Variants in KCNMA1 observed in about 807,000 individuals in gnomAD.
KCNMA1 encodes Calcium-activated potassium channel subunit alpha-1.
Under a neutral mutation model 140.0 loss-of-function variants are expected in KCNMA1, and 29 were observed. The observed-to-expected ratio is 0.21, with a 90% CI of 0.15 to 0.28. KCNMA1 has a LOEUF of 0.28. Ranked by LOEUF, KCNMA1 falls within the 10% of genes least tolerant of loss-of-function variation. KCNMA1 has a pLI of 1.00. For missense variants in KCNMA1, 880 were observed against 1,602.2 expected (o/e 0.55, Z 7.70); for synonymous variants, 612 against 611.9 (o/e 1.00, Z 0.00).
intron 2 of KCNMA1, among the ~76,000 whole-genome samples, chr10:77,253,226 C>T (rs989970741): frequency 5.9e-5 from 9 of 152,162 alleles, no homozygotes; most frequent in African/African-American, 2.2e-4. Flanking sequence ...AGGAGAAGGG[C>T]CTCTTCTCCA....
intron 2 of KCNMA1, among the ~76,000 whole-genome samples, chr10:77,290,365 G>T (rs150373382): frequency 4.1e-4 from 62 of 152,290 alleles, no homozygotes; most frequent in African/African-American, 1.5e-3. Context: ...GGGCATGGAG[G>T]ATGTCATAGA....
chr10:77,276,217 C>G (rs1000443745), intron 2 of KCNMA1, among the ~76,000 whole-genome samples: 1 of 152,230 alleles, frequency 6.6e-6, no homozygotes, highest in Non-Finnish European at 1.5e-5. Flanking sequence ...TCCTCAGGAG[C>G]TGAGACCATC....
chr10:76,935,715 A>G (rs2060384724), intron 23 of KCNMA1, among the ~76,000 whole-genome samples: 1 of 152,222 alleles, frequency 6.6e-6, no homozygotes, highest in East Asian at 1.9e-4. Context: ...CCATAAGTTC[A>G]GTCCAACCCC....
chr10:77,229,929 G>A (rs1205729498), intron 3 of KCNMA1, among the ~76,000 whole-genome samples: 1 of 152,148 alleles, frequency 6.6e-6, no homozygotes, highest in East Asian at 1.9e-4. Flanking sequence ...AAATGACCCT[G>A]CAATTCCACT....
chr10:76,966,607 C>T (rs768687618), intron 20 of KCNMA1, among the ~76,000 whole-genome samples: 1 of 152,162 alleles, frequency 6.6e-6, no homozygotes, highest in Non-Finnish European at 1.5e-5. Flanking sequence ...AAAGACGTGG[C>T]TATCCTTACA....
At chr10:77,577,570 C>T (rs2244338) in intron 1 of KCNMA1, among the ~76,000 whole-genome samples, 139,207 of 152,270 alleles carry the variant, frequency 0.91, 63,774 homozygotes, top group South Asian at 0.97. Context: ...CAACTCTAAA[C>T]TACATGTGTA....
At chr10:76,922,373 C>A (rs552909329) in intron 23 of KCNMA1, among the ~76,000 whole-genome samples, 124 of 152,218 alleles carry the variant, frequency 8.1e-4, no homozygotes, top group African/African-American at 2.8e-3. Flanking sequence ...CATAAGAAAC[C>A]CATTCCACAG....
intron 2 of KCNMA1, among the ~76,000 whole-genome samples, chr10:77,356,301 C>T (rs565070065): frequency 6.6e-5 from 10 of 152,096 alleles, no homozygotes; most frequent in African/African-American, 1.7e-4. Context: ...ATATCAATAA[C>T]GGAAGCTACA....
rs368425833 is a variant in KCNMA1, at chr10:77,116,927, C to T, written c.884+4046G>A. 4.2e-4 allele frequency among the ~76,000 whole-genome samples: 64 copies of T among 152,302 alleles called. No individual in the cohort carries two copies. The South Asian group carries it at 0.013, about 32-fold the overall frequency. On this transcript the variant is annotated intron_variant, in intron 6 of 27. Coordinates refer to ENST00000286628, the MANE Select transcript of KCNMA1 (RefSeq NM_001161352.2). ...AGCTCTCATTTGTTCTCAGTAAAGT[C>T]CATGAATCTAAGAACCTGCATGATT...
At chr10:76,979,211 G>C (rs1411740850) in intron 19 of KCNMA1, among the ~76,000 whole-genome samples, 4 of 152,182 alleles carry the variant, frequency 2.6e-5, no homozygotes, top group Non-Finnish European at 5.9e-5. Context: ...GAAGGCCCTT[G>C]CAACAAACAC....
At chr10:77,401,839 A>T (rs1291889742) in intron 2 of KCNMA1, among the ~76,000 whole-genome samples, 2 of 152,082 alleles carry the variant, frequency 1.3e-5, no homozygotes, top group Non-Finnish European at 2.9e-5. Flanking sequence ...TTTCCCCTAC[A>T]GCCCCTCCCC....
At chr10:77,510,868 C>T (rs1040141916) in intron 1 of KCNMA1, among the ~76,000 whole-genome samples, 3 of 152,240 alleles carry the variant, frequency 2.0e-5, no homozygotes, top group African/African-American at 4.8e-5. Flanking sequence ...TTTGGCATAA[C>T]GCCAATTAAC....
intron 1 of KCNMA1, among the ~76,000 whole-genome samples, chr10:77,421,895 G>A: frequency 6.6e-6 from 1 of 152,316 alleles, no homozygotes; most frequent in South Asian, 2.1e-4. Flanking sequence ...ATGTGGACTA[G>A]AGCCATGTTT....
At chr10:77,025,242 G>GTGTATATATATATATATA (rs1436772387) in intron 16 of KCNMA1, among the ~76,000 whole-genome samples, 3 of 42,742 alleles carry the variant, frequency 7.0e-5, no homozygotes, top group Non-Finnish European at 1.3e-4. Context: ...GGGTGTGTGT[G>GTGTATATATATATATATA]TATATATATA....
chr10:77,230,801 GCTTC>G (rs1302275089), intron 3 of KCNMA1, among the ~76,000 whole-genome samples: 1 of 152,048 alleles, frequency 6.6e-6, no homozygotes, highest in Non-Finnish European at 1.5e-5. Context: ...AGGGAAAATG[GCTTC>G]CTACTTTTAT....
intron 1 of KCNMA1, among the ~76,000 whole-genome samples, chr10:77,537,723 G>C (rs1410295073): frequency 6.6e-6 from 1 of 151,932 alleles, no homozygotes; most frequent in Admixed American, 6.6e-5. Flanking sequence ...CTATTATTGT[G>C]ACTATAACAA....
intron 5 of KCNMA1, among the ~76,000 whole-genome samples, chr10:77,154,835 ACAAC>A (rs922754358): frequency 2.0e-5 from 3 of 152,242 alleles, no homozygotes; most frequent in Admixed American, 6.5e-5. Context: ...AAGCAAACAA[ACAAC>A]TAATTACAAA....
At chr10:77,530,218 C>T (rs1399809421) in intron 1 of KCNMA1, among the ~76,000 whole-genome samples, 2 of 152,166 alleles carry the variant, frequency 1.3e-5, no homozygotes, top group African/African-American at 4.8e-5. Context: ...GTTCCAAAAA[C>T]TCACTTCAAA....
At chr10:77,285,622 C>T (rs2070529980) in intron 2 of KCNMA1, among the ~76,000 whole-genome samples, 1 of 152,048 alleles carries the variant, frequency 6.6e-6, no homozygotes, top group South Asian at 2.1e-4. Context: ...TCAATTTGCC[C>T]CAGGTAGTAA....
Sources: gnomAD v4.1 joint callset for allele counts (sites outside exome capture counted in the v4.1 genomes callset) on GRCh38, gnomAD v4.1.1 for gene constraint, MANE v1.5 for transcripts, NCBI Gene and HGNC (gene_info 2026-07-23, HGNC 2026-07-21) for gene names.